Variants in KCNN3 observed in about 807,000 individuals in gnomAD.
The protein encoded by KCNN3 is small conductance calcium-activated potassium channel protein 3.
Under a neutral mutation model 62.9 loss-of-function variants are expected in KCNN3, and 16 were observed. The observed-to-expected ratio is 0.25, with a 90% CI of 0.17 to 0.39. The LOEUF is 0.39. Ranked by LOEUF, KCNN3 falls within the 10% of genes least tolerant of loss-of-function variation. KCNN3 has a pLI of 1.00. For missense variants in KCNN3, 599 were observed against 949.4 expected (o/e 0.63, Z 4.85); for synonymous variants, 370 against 389.2 (o/e 0.95, Z 0.58).
At chr1:154,852,309 A>G (rs1009245887) in intron 1 of KCNN3, among the ~76,000 whole-genome samples, 4 of 151,330 alleles carry the variant, frequency 2.6e-5, no homozygotes, top group Admixed American at 6.6e-5. Context: ...ACAGCAAGCT[A>G]TCCCCCACCT....
intron 5 of KCNN3, among the ~76,000 whole-genome samples, chr1:154,719,842 T>C (rs1284854209): frequency 2.0e-5 from 3 of 151,988 alleles, no homozygotes; most frequent in Non-Finnish European, 4.4e-5. Context: ...TATTCCACAC[T>C]CCCTTTACAG....
intron 1 of KCNN3, among the ~76,000 whole-genome samples, chr1:154,860,049 G>A (rs1331961248): frequency 1.3e-5 from 2 of 152,168 alleles, no homozygotes; most frequent in Admixed American, 6.5e-5. Context: ...CAAAGGGCAA[G>A]CCCTGGGCAC....
At chr1:154,718,156 A>G (rs1381573946) in intron 5 of KCNN3, among the ~76,000 whole-genome samples, 1 of 152,184 alleles carries the variant, frequency 6.6e-6, no homozygotes, top group Non-Finnish European at 1.5e-5. Flanking sequence ...GTTGGCCACA[A>G]TCGGATGGGT....
chr1:154,827,861 G>A (rs1651202367), intron 1 of KCNN3, among the ~76,000 whole-genome samples: 1 of 152,100 alleles, frequency 6.6e-6, no homozygotes. Flanking sequence ...GGCCCTCCCA[G>A]CATCCTCAGA....
At chr1:154,868,268 A>G (rs571343426) in intron 1 of KCNN3, 479 of 985,672 alleles carry the variant, frequency 4.9e-4, no homozygotes, top group Non-Finnish European at 5.5e-4. Context: ...ACCTGTAGCC[A>G]TTTTTATCAG....
intron 5 of KCNN3, among the ~76,000 whole-genome samples, chr1:154,722,380 T>A (rs527791451): frequency 7.4e-6 from 1 of 134,512 alleles, no homozygotes; most frequent in Admixed American, 9.1e-5. Context: ...TAGACTGAGC[T>A]TAGCATTTTT....
At position 154,702,221 on chromosome 1, in the gene KCNN3, A is replaced by ACT. The variant is rs1226399057; in HGVS notation, c.*5753_*5754dup. The ACT allele has an allele frequency of 1.3e-5, 2 of 152,108 alleles. No individual in the cohort carries two copies. Among genetic ancestry groups the ACT allele is most frequent in the African/African-American group, 4.8e-5 (2 of 41,416 alleles). 9.4% of individuals were successfully genotyped at this position (152,108 alleles called of 1,614,324 possible). ...CCGGCAATCACTAACAGTGATGTGT[A>ACT]CTCAGAAACAGTCATTGGGAGAGCA... On this transcript the variant is annotated 3_prime_UTR_variant, in exon 8 of 8. Transcript: ENST00000271915.
chr1:154,713,485 G>A lies in KCNN3; in HGVS notation c.1878C>T (p.Asn626=), dbSNP rs746927647. The A allele has an allele frequency of 3.1e-6, 5 of 1,614,028 alleles. No homozygotes were observed. Among genetic ancestry groups the A allele is most frequent in the Non-Finnish European group, 4.2e-6 (5 of 1,179,890 alleles). ...TCACCTTGGAAAGGTCCACCAGAGT[G>A]TTGGCTTGGTCACTCAGCTTCCTCT... ...MEQRKLSDQA[N]TLVDLSKMQN... The change falls in exon 7 of 8, where the codon AAC becomes AAT. Residue 626 remains asparagine (N), a synonymous_variant. Transcript: ENST00000271915.
Position 154,713,532 on chromosome 1 carries a change from A to G in KCNN3, c.1831T>C (p.Leu611=). The change falls in exon 7 of 8, where the codon TTG becomes CTG. Residue 611 remains leucine, a splice_region_variant and synonymous_variant. Transcript: ENST00000271915. ...CTCTGTTCCATCTTGACGCTCCTCA[A>G]CCTGTGGGGAAGAATGGTAACAGGC... is the stretch of plus-strand genomic sequence containing the variant. The part of the protein sequence containing the change: ...QRKFLQAIHQ[L]RSVKMEQRKL... 5.6e-6 allele frequency: 9 copies of G among 1,613,418 alleles called. No individual in the cohort carries two copies. Among genetic ancestry groups the G allele is most frequent in the Non-Finnish European group, 5.9e-6 (7 of 1,179,534 alleles).
In KCNN3 at chr1:154,799,182, G is replaced by T. The variant is rs187663329; in HGVS notation, c.1029+22907C>A. 8.1e-3 allele frequency among the ~76,000 whole-genome samples: 1,231 copies of T among 152,282 alleles called. 19 individuals are homozygous for T. The highest frequency in any genetic ancestry group is 0.028 in the African/African-American group (1,178 of 41,544). ...TCTGCCTGCCTCAGTCTCCCAAAGT[G>T]CTGGGATTACAGGCATGTGCCACCA... On this transcript the variant is annotated intron_variant, in intron 2 of 7. Coordinates refer to ENST00000271915, the MANE Select transcript of KCNN3 (RefSeq NM_002249.6).
chr1:154,798,426 C>T (rs1056649547), intron 2 of KCNN3, among the ~76,000 whole-genome samples: 1 of 152,182 alleles, frequency 6.6e-6, no homozygotes, highest in East Asian at 1.9e-4. Flanking sequence ...GCAGGACATT[C>T]GCCAAGCCTT....
chr1:154,820,129 C>A (rs1307012028), intron 2 of KCNN3, among the ~76,000 whole-genome samples: 2 of 152,326 alleles, frequency 1.3e-5, no homozygotes, highest in Non-Finnish European at 2.9e-5. Flanking sequence ...GGACATGGGA[C>A]AATGGGTACC....
intron 2 of KCNN3, among the ~76,000 whole-genome samples, chr1:154,808,813 A>T (rs1298695895): frequency 6.6e-6 from 1 of 152,164 alleles, no homozygotes; most frequent in African/African-American, 2.4e-5. Flanking sequence ...AGCAAGAAGC[A>T]CCATAAAGAG....
intron 2 of KCNN3, among the ~76,000 whole-genome samples, chr1:154,780,409 A>T (rs1249165028): frequency 6.7e-6 from 1 of 149,952 alleles, no homozygotes; most frequent in Non-Finnish European, 1.5e-5. Flanking sequence ...ACTCTTGCAC[A>T]ACTGTGAATT....
intron 6 of KCNN3, among the ~76,000 whole-genome samples, chr1:154,714,506 GGT>G (rs143557549): frequency 0.011 from 841 of 73,710 alleles, 16 homozygotes; most frequent in African/African-American, 0.042. Flanking sequence ...GTGTGTGTGG[GGT>G]GTGTGTGTGT....
intron 1 of KCNN3, among the ~76,000 whole-genome samples, chr1:154,831,553 G>A (rs1241163578): frequency 6.6e-6 from 1 of 152,158 alleles, no homozygotes; most frequent in Non-Finnish European, 1.5e-5. Flanking sequence ...AGGAGGCTGG[G>A]GTTGCCCTCA....
rs1346315068 is a variant in KCNN3 at position 154,863,374 on chromosome 1, G to A, written c.933+5658C>T. ...CCTCATTATTTAAAGAGGAATAGGT[G>A]CCTTGCTTTCTTGCTCTCCTTTTGG... On this transcript the variant is annotated intron_variant, in intron 1 of 7. Coordinates refer to ENST00000271915, the MANE Select transcript of KCNN3 (RefSeq NM_002249.6). Among the ~76,000 whole-genome samples the A allele has an allele frequency of 2.6e-5, 4 of 152,318 alleles. No individual in the cohort carries two copies. In the South Asian group the frequency reaches 6.2e-4, roughly 24 times the overall value.
intron 2 of KCNN3, among the ~76,000 whole-genome samples, chr1:154,815,349 C>T (rs1650618169): frequency 6.6e-6 from 1 of 152,172 alleles, no homozygotes; most frequent in Non-Finnish European, 1.5e-5. Flanking sequence ...TCCTGAAACG[C>T]TCTGGGCCAG....
Position 154,761,665 on chromosome 1 carries a change from G to A in KCNN3, c.1448+10310C>T, listed in dbSNP as rs1315695971. ...CAAAAGATTGATTTTTAGGCCGGGC[G>A]CGGTGGCTCACGCCTGTAATCCCAG... is the stretch of plus-strand genomic sequence containing the variant. On this transcript the variant is annotated intron_variant, in intron 3 of 7. Coordinates refer to ENST00000271915, the MANE Select transcript of KCNN3 (RefSeq NM_002249.6). Among the ~76,000 whole-genome samples the A allele has an allele frequency of 9.9e-5, 15 of 151,682 alleles. No individual in the cohort carries two copies. The South Asian group carries it at 2.5e-3, about 25-fold the overall frequency.
Sources: allele counts gnomAD v4.1 joint callset (sites outside exome capture counted in the v4.1 genomes callset), GRCh38; gene constraint gnomAD v4.1.1; transcripts MANE v1.5; gene names NCBI Gene and HGNC (gene_info 2026-07-23, HGNC 2026-07-21).